The following RAPGEF4 variants were observed in gnomAD, a reference collection of about 807,000 sequenced individuals.
RAPGEF4 encodes RAP guanine-nucleotide-exchange factor (GEF) 4.
In RAPGEF4, 66 loss-of-function variants were observed where a neutral mutation model predicts 147.9. That is an observed-to-expected ratio of 0.45 (90% confidence interval 0.37 to 0.55). The LOEUF is 0.55. Among genes scored for constraint, RAPGEF4 ranks in the 20% least tolerant of loss-of-function variants. The pLI, the probability that RAPGEF4 is intolerant of heterozygous loss-of-function variation, is 0.00. For synonymous variants in RAPGEF4, 419 were observed against 442.7 expected (o/e 0.95, Z 0.67); for missense variants, 1,071 against 1,257.3 (o/e 0.85, Z 2.24).
intron 18 of RAPGEF4, among the ~76,000 whole-genome samples, chr2:173,014,867 G>A (rs1695366172): frequency 6.6e-6 from 1 of 151,994 alleles, no homozygotes; most frequent in African/African-American, 2.4e-5. Flanking sequence ...GTTTTATCTT[G>A]TAGTCACGTA....
At chr2:172,926,568 A>ATTGG (rs879706091) in intron 6 of RAPGEF4, among the ~76,000 whole-genome samples, 1 of 151,438 alleles carries the variant, frequency 6.6e-6, no homozygotes, top group Admixed American at 6.6e-5. Flanking sequence ...TTGTTTGTTT[A>ATTGG]TTTGTTTGTT....
intron 4 of RAPGEF4, among the ~76,000 whole-genome samples, chr2:172,846,430 A>C (rs759254391): frequency 4.6e-5 from 7 of 152,236 alleles, no homozygotes; most frequent in Non-Finnish European, 8.8e-5. Context: ...CTTTTTAAAA[A>C]TTGCTGAATA....
At chr2:172,954,872 T>TA (rs1688573497) in intron 6 of RAPGEF4, among the ~76,000 whole-genome samples, 1 of 152,226 alleles carries the variant, frequency 6.6e-6, no homozygotes, top group Non-Finnish European at 1.5e-5. Flanking sequence ...TATTATCTTG[T>TA]AATTGTTTAA....
At position 173,018,896 on chromosome 2, in the gene RAPGEF4, C is replaced by T. The variant is rs142859475; in HGVS notation, c.2155+94C>T. On this transcript the variant is annotated intron_variant, in intron 22 of 30. Transcript: ENST00000397081. ...GGAGTTAGCGTGGTCATGTGAGGCTCACCCAGAGGATGAACTGGTGCTTAT... is the reference window on the plus strand; with the variant it reads ...GGAGTTAGCGTGGTCATGTGAGGCTTACCCAGAGGATGAACTGGTGCTTAT... 1.0e-4 allele frequency: 136 copies of T among 1,358,610 alleles called. 2 individuals are homozygous for T. In the East Asian group the frequency reaches 2.9e-3, roughly 29 times the overall value. 84.2% of individuals were successfully genotyped at this position (1,358,610 alleles called of 1,614,324 possible).
At chr2:173,013,560 G>C (rs375632445) in intron 17 of RAPGEF4, among the ~76,000 whole-genome samples, 1 of 152,172 alleles carries the variant, frequency 6.6e-6, no homozygotes, top group South Asian at 2.1e-4. Flanking sequence ...AAAAGGAATG[G>C]TGTGTCTAAC....
At chr2:172,750,010 A>G (rs1159862746) in intron 1 of RAPGEF4, among the ~76,000 whole-genome samples, 1 of 152,124 alleles carries the variant, frequency 6.6e-6, no homozygotes, top group Non-Finnish European at 1.5e-5. Flanking sequence ...CTGAGACCAC[A>G]TCAGCCTGGA....
intron 1 of RAPGEF4, among the ~76,000 whole-genome samples, chr2:172,754,440 A>G (rs1695576245): frequency 6.6e-6 from 1 of 152,198 alleles, no homozygotes; most frequent in African/African-American, 2.4e-5. Context: ...AGAGATATCT[A>G]TAGAACTAAA....
chr2:172,816,407 A>C (rs1348586846), intron 4 of RAPGEF4, among the ~76,000 whole-genome samples: 1 of 151,626 alleles, frequency 6.6e-6, no homozygotes, highest in Non-Finnish European at 1.5e-5. Context: ...CTTTTTTTGC[A>C]CTTCTATCCC....
intron 19 of RAPGEF4, among the ~76,000 whole-genome samples, chr2:173,016,760 G>A (rs1216781143): frequency 2.6e-5 from 4 of 152,278 alleles, no homozygotes; most frequent in East Asian, 3.9e-4. Flanking sequence ...GGCATTTAAA[G>A]AAAGTTTGAG....
intron 23 of RAPGEF4, among the ~76,000 whole-genome samples, chr2:173,026,001 T>C (rs1696626465): frequency 6.6e-6 from 1 of 152,182 alleles, no homozygotes; most frequent in Non-Finnish European, 1.5e-5. Context: ...CATCCTCAGC[T>C]CAACATCTGC....
At chr2:172,735,670 G>A (rs898158708), upstream of RAPGEF4, among the ~76,000 whole-genome samples, 3 of 151,878 alleles carry the variant, frequency 2.0e-5, no homozygotes, top group African/African-American at 7.2e-5. Context: ...CACCCCCAGT[G>A]TCCCCCAGCA....
intron 20 of RAPGEF4, 85 bp downstream of exon 20, chr2:173,017,289 G>T (rs1480596145): frequency 2.6e-6 from 4 of 1,521,024 alleles, no homozygotes; most frequent in Non-Finnish European, 3.6e-6. Context: ...ATACATAAAA[G>T]TGATTTCTTT....
chr2:172,917,598 A>G (rs879027753), intron 4 of RAPGEF4: 1 of 677,228 alleles, frequency 1.5e-6, no homozygotes, highest in Admixed American at 2.1e-5. Flanking sequence ...CCCCGGGCAC[A>G]TTCAGTCTTA....
Position 172,938,336 on chromosome 2 carries a change from T to C in RAPGEF4, c.537+16036T>C, listed in dbSNP as rs143932675. Among the ~76,000 whole-genome samples the C allele has an allele frequency of 8.8e-4, 134 of 152,238 alleles. 3 individuals are homozygous for C. In the East Asian group the frequency reaches 0.025, roughly 29 times the overall value. ...TTACCACATGGATCGTTCTAGTCCT[T>C]TCTCCTTGCCTCTTTGTAACCTCCC... On this transcript the variant is annotated intron_variant, in intron 6 of 30. Transcript: ENST00000397081.
At chr2:172,736,932 G>A (rs201292780) in intron 1 of RAPGEF4, among the ~76,000 whole-genome samples, 8 of 152,328 alleles carry the variant, frequency 5.3e-5, no homozygotes, top group East Asian at 3.9e-4. Context: ...AATGATGCAC[G>A]TCTTGCAGCT....
At chr2:172,926,798 T>C (rs943365071) in intron 6 of RAPGEF4, among the ~76,000 whole-genome samples, 1 of 152,112 alleles carries the variant, frequency 6.6e-6, no homozygotes, top group African/African-American at 2.4e-5. Context: ...TCTCGATCTC[T>C]TGACCTTGTG....
At chr2:173,010,914 C>T (rs1422489738) in intron 17 of RAPGEF4, among the ~76,000 whole-genome samples, 1 of 152,204 alleles carries the variant, frequency 6.6e-6, no homozygotes, top group East Asian at 1.9e-4. Flanking sequence ...CCCACCCTCA[C>T]TTTAGTAAAT....
intron 4 of RAPGEF4, among the ~76,000 whole-genome samples, chr2:172,853,098 T>G (rs1365098247): frequency 8.1e-6 from 1 of 124,124 alleles, no homozygotes; most frequent in Non-Finnish European, 1.8e-5. Flanking sequence ...TTCATAGCAA[T>G]TTTTTTCTTA....
chr2:172,774,757 A>G (rs1683990035), intron 1 of RAPGEF4, among the ~76,000 whole-genome samples: 1 of 152,184 alleles, frequency 6.6e-6, no homozygotes, highest in African/African-American at 2.4e-5. Context: ...TATGTCTTAG[A>G]TCCCCTAATA....
Sources: gnomAD v4.1 joint callset for allele counts (sites outside exome capture counted in the v4.1 genomes callset) on GRCh38, gnomAD v4.1.1 for gene constraint, MANE v1.5 for transcripts, NCBI Gene and HGNC (gene_info 2026-07-23, HGNC 2026-07-21) for gene names.